Variants in SASH1 observed in about 807,000 individuals in gnomAD.
SASH1 encodes the protein SAM and SH3 domain containing 1.
Under a neutral mutation model 125.2 loss-of-function variants are expected in SASH1, and 44 were observed. That is an observed-to-expected ratio of 0.35 (90% CI 0.28 to 0.45). SASH1 has a LOEUF of 0.45. SASH1 is among the 20% of genes least tolerant of loss of function. The pLI is 1.00. For synonymous variants in SASH1, 639 were observed against 649.1 expected, an observed-to-expected ratio of 0.98 and a Z score of 0.24; for missense variants, 1,426 against 1,614.5, an observed-to-expected ratio of 0.88 and a Z score of 2.00.
intron 4 of SASH1, among the ~76,000 whole-genome samples, chr6:148,468,320 A>G (rs182825560): frequency 2.6e-5 from 4 of 152,340 alleles, no homozygotes; most frequent in Admixed American, 2.0e-4. Context: ...TTAATATTAC[A>G]GGTCTCACCT....
intron 17 of SASH1, among the ~76,000 whole-genome samples, chr6:148,541,853 C>T (rs972486772): frequency 1.3e-5 from 2 of 152,168 alleles, no homozygotes; most frequent in Non-Finnish European, 2.9e-5. Context: ...TTTCTATCAA[C>T]TTGGGAAGAT....
At position 148,390,150 on chromosome 6, in the gene SASH1, A is replaced by G; in HGVS notation, c.173A>G (p.Asn58Ser). Residue 58 changes from asparagine (N) to serine (S), a missense_variant, in exon 2 of 20, where the codon AAC becomes AGC. Physicochemically the swap from Asn to Ser is conservative, Grantham distance 46. Transcript: ENST00000367467. ...VMGILDGSLG[N>S]IDDLAQQYAD... Reference sequence around the variant, plus strand: ...CCCCTTCAGGACGGTTCACTGGGAAACATCGATGACCTGGCGCAGCAGTAT... The same window carrying G: ...CCCCTTCAGGACGGTTCACTGGGAAGCATCGATGACCTGGCGCAGCAGTAT... 2 of 1,613,186 alleles carry G rather than the reference A, an allele frequency of 1.2e-6. No individual in the cohort carries two copies. Among genetic ancestry groups the G allele is most frequent in the Non-Finnish European group, 1.7e-6 (2 of 1,179,502 alleles).
chr6:148,343,307 C>T, intron 1 of SASH1, 84 bp downstream of exon 1: 2 of 1,348,326 alleles, frequency 1.5e-6, no homozygotes, highest in Non-Finnish European at 2.0e-6. Flanking sequence ...CTCGCCCACC[C>T]ACTGGGCAAC....
chr6:148,315,661 T>C (rs556729543), intron 1 of SASH1, among the ~76,000 whole-genome samples: 101 of 152,302 alleles, frequency 6.6e-4, no homozygotes, highest in Middle Eastern at 6.8e-3. Flanking sequence ...CTCAGTACTT[T>C]GGGAGGCCCA....
Position 148,487,714 on chromosome 6 carries a change from A to G in SASH1, c.728A>G (p.Asn243Ser), listed in dbSNP as rs762682904. ...ACGTTTGATGGCTCATCAAACTGCAATGTGAGTTTATCATGTCTTTGACAT... is the reference window on the plus strand; with the variant it reads ...ACGTTTGATGGCTCATCAAACTGCAGTGTGAGTTTATCATGTCTTTGACAT... ...YPTFDGSSNC[N>S]SREQSDDETE... The change falls in exon 8 of 20, where the codon AAT becomes AGT. Residue 243 changes from asparagine (N) to serine (S), a missense_variant and splice_region_variant. This residue lies in a region of SASH1 where 567 missense variants were observed against 575.6 expected (regional missense o/e 0.99). Transcript: ENST00000367467. 10 of 1,600,420 alleles carry G rather than the reference A, an allele frequency of 6.2e-6. No homozygotes were observed. Among genetic ancestry groups the G allele is most frequent in the South Asian group, 2.2e-5 (2 of 90,706 alleles).
At chr6:148,421,789 C>T (rs1201922276) in intron 2 of SASH1, among the ~76,000 whole-genome samples, 1 of 152,208 alleles carries the variant, frequency 6.6e-6, no homozygotes, top group Non-Finnish European at 1.5e-5. Context: ...GGAAAGTAAT[C>T]TTATTGTGCT....
chr6:148,429,866 G>A lies in SASH1; in HGVS notation c.286-10318G>A, dbSNP rs996538731. 3.9e-5 allele frequency among the ~76,000 whole-genome samples: 6 copies of A among 152,310 alleles called. 1 individual carries two copies. The highest frequency in any genetic ancestry group is 3.3e-4 in the Admixed American group (5 of 15,284). On this transcript the variant is annotated intron_variant, in intron 2 of 19. Coordinates refer to ENST00000367467, the MANE Select transcript of SASH1 (RefSeq NM_015278.5). ...ACATTCTCAAGGGGATGTCCTGGCA[G>A]ATAGTAAATGCTAAGTAAATAGATT...
intron 1 of SASH1, among the ~76,000 whole-genome samples, chr6:148,285,565 T>G (rs1033187460): frequency 6.6e-6 from 1 of 151,404 alleles, no homozygotes; most frequent in African/African-American, 2.4e-5. Context: ...GCTGTTTTGG[T>G]TTTTTTTTCC....
intron 1 of SASH1, among the ~76,000 whole-genome samples, chr6:148,326,361 TA>T (rs1562326276): frequency 3.5e-4 from 30 of 85,182 alleles, no homozygotes; most frequent in Admixed American, 8.3e-4. Context: ...TATATATGCA[TA>T]TATATATATA....
the SASH1 span, among the ~76,000 whole-genome samples, chr6:148,245,717 G>A: frequency 6.6e-6 from 1 of 152,180 alleles, no homozygotes; most frequent in Non-Finnish European, 1.5e-5. Context: ...GCCAGGTGCG[G>A]TGGCTCGTGG....
At chr6:148,314,391 G>T (rs1285296022) in intron 1 of SASH1, among the ~76,000 whole-genome samples, 1 of 152,136 alleles carries the variant, frequency 6.6e-6, no homozygotes, top group African/African-American at 2.4e-5. Flanking sequence ...ACTGTATCAG[G>T]TTCCCTTCAA....
chr6:148,546,481 C>T (rs954754709), intron 19 of SASH1, among the ~76,000 whole-genome samples: 1 of 152,090 alleles, frequency 6.6e-6, no homozygotes. Flanking sequence ...CCGGCCTGGG[C>T]AACATAGTGA....
At chr6:148,542,796 G>T (rs1782302711) in intron 17 of SASH1, among the ~76,000 whole-genome samples, 1 of 152,118 alleles carries the variant, frequency 6.6e-6, no homozygotes, top group Non-Finnish European at 1.5e-5. Context: ...CATACAGGTG[G>T]ACAGGGTCAA....
the SASH1 span, among the ~76,000 whole-genome samples, chr6:148,246,820 G>A: frequency 6.6e-6 from 1 of 152,154 alleles, no homozygotes; most frequent in Non-Finnish European, 1.5e-5. Flanking sequence ...AGTTTGCGTC[G>A]CTACGAGTTT....
chr6:148,319,578 A>G (rs1780585600), intron 1 of SASH1, among the ~76,000 whole-genome samples: 1 of 151,894 alleles, frequency 6.6e-6, no homozygotes, highest in South Asian at 2.1e-4. Flanking sequence ...GTGCAATGGC[A>G]TGATCTCGGC....
At chr6:148,293,833 G>A (rs1012764515) in intron 1 of SASH1, among the ~76,000 whole-genome samples, 23 of 152,170 alleles carry the variant, frequency 1.5e-4, no homozygotes, top group Admixed American at 7.9e-4. Context: ...TATGCCAGCC[G>A]TCCCGGGAGG....
the SASH1 span, among the ~76,000 whole-genome samples, chr6:148,207,098 A>G: frequency 6.6e-6 from 1 of 152,198 alleles, no homozygotes; most frequent in East Asian, 1.9e-4. Flanking sequence ...GCATTGGCAA[A>G]GCATCCCATT....
At chr6:148,236,598 C>G in the SASH1 span, among the ~76,000 whole-genome samples, 1 of 152,150 alleles carries the variant, frequency 6.6e-6, no homozygotes. Context: ...GGGTTGCAGG[C>G]AGGTGACAGC....
At chr6:148,391,623 G>A (rs1783734210) in intron 2 of SASH1, among the ~76,000 whole-genome samples, 1 of 152,088 alleles carries the variant, frequency 6.6e-6, no homozygotes, top group Non-Finnish European at 1.5e-5. Context: ...AAACCTTTAT[G>A]TGTATAATCA....
Sources: gnomAD v4.1 joint callset for allele counts (sites outside exome capture counted in the v4.1 genomes callset) on GRCh38, gnomAD v4.1.1 for gene constraint, gnomAD v4.1.1 regional missense constraint, MANE v1.5 for transcripts, NCBI Gene and HGNC (gene_info 2026-07-23, HGNC 2026-07-21) for gene names.